Variants in APOC4 observed in about 807,000 individuals in gnomAD.
The protein encoded by APOC4 is apolipoprotein C-IV.
Under a neutral mutation model 8.4 loss-of-function variants are expected in APOC4, and 10 were observed. The ratio of observed to expected loss-of-function variants is 1.19; its 90% confidence interval spans 0.74 to 2.03. The LOEUF is 2.03. APOC4 is among the 30% of genes most tolerant of loss of function. The pLI is 0.00. For missense variants in APOC4, 160 were observed against 156.1 expected (o/e 1.02, Z -0.13); for synonymous variants, 59 against 65.8 (o/e 0.90, Z 0.50).
intron 1 of APOC4, among the ~76,000 whole-genome samples, chr19:44,943,146 A>C (rs143862053): frequency 0.014 from 2,158 of 151,820 alleles, 46 homozygotes; most frequent in African/African-American, 0.049. Context: ...TGGTCTCCAT[A>C]TCCTGACCTC....
rs1877574722 is a variant in APOC4, at chr19:44,945,191, G to A, written c.270G>A (p.Leu90=). ...GFMQTYYDDH[L]RDLGPLTKAW... is the part of the protein sequence containing the mutation. ...TGCAGACCTACTATGACGACCACCT[G>A]AGGGACCTGGGTCCGCTCACCAAGG... The change falls in exon 3 of 3, where the codon CTG becomes CTA. Residue 90 remains leucine (L), a synonymous_variant. Coordinates refer to ENST00000592954, the MANE Select transcript of APOC4 (RefSeq NM_001646.3). 2 of 1,613,986 alleles carry A rather than the reference G, an allele frequency of 1.2e-6. No homozygotes were observed. The highest frequency in any genetic ancestry group is 3.3e-5 in the Admixed American group (2 of 59,992).
At chr19:44,943,651 C>T (rs186451745) in intron 1 of APOC4, among the ~76,000 whole-genome samples, 12 of 151,708 alleles carry the variant, frequency 7.9e-5, no homozygotes, top group Admixed American at 1.3e-4. Flanking sequence ...CACTTGAACC[C>T]GGGAGGCAGA....
At chr19:44,944,920 G>A (rs773505291) in intron 2 of APOC4, 30 bp downstream of exon 2, 2 of 1,583,432 alleles carry the variant, frequency 1.3e-6, no homozygotes, top group Non-Finnish European at 8.6e-7. Context: ...GGTGGTGGGA[G>A]GGGACTCCTG....
intron 2 of APOC4, 104 bp downstream of exon 2, chr19:44,944,994 G>A: frequency 8.5e-6 from 13 of 1,523,330 alleles, no homozygotes; most frequent in Non-Finnish European, 1.1e-5. Flanking sequence ...AAGGGTGGGA[G>A]TGGGGCTGTG....
At chr19:44,943,862 G>C (rs1443459898) in intron 1 of APOC4, among the ~76,000 whole-genome samples, 1 of 152,244 alleles carries the variant, frequency 6.6e-6, no homozygotes, top group Non-Finnish European at 1.5e-5. Flanking sequence ...AGGAGAAACA[G>C]TCCTGGGGAG....
At chr19:44,944,973 A>C (rs770894239) in intron 2 of APOC4, 83 bp downstream of exon 2, 2 of 1,530,642 alleles carry the variant, frequency 1.3e-6, no homozygotes, top group Non-Finnish European at 1.8e-6. Flanking sequence ...CCTGAGTCTC[A>C]GGGAGGAGGA....
At chr19:44,944,649 C>T in intron 1 of APOC4, 100 bp from the exon 2 acceptor site, 1 of 1,442,706 alleles carries the variant, frequency 6.9e-7, no homozygotes. Flanking sequence ...AGGGGGCTGC[C>T]CCTGGGCCAC....
At chr19:44,944,544 GAAAAAAGAAAAA>G (rs1970294624) in intron 1 of APOC4, among the ~76,000 whole-genome samples, 193 bp from the exon 2 acceptor site, 1 of 146,794 alleles carries the variant, frequency 6.8e-6, no homozygotes, top group Admixed American at 6.8e-5. Context: ...TAAAAAAAAA[GAAAAAAGAAAAA>G]AAAAAAGAGA....
At chr19:44,943,283 G>A (rs1439800330) in intron 1 of APOC4, among the ~76,000 whole-genome samples, 1 of 151,598 alleles carries the variant, frequency 6.6e-6, no homozygotes, top group Non-Finnish European at 1.5e-5. Context: ...TGCCCAGGCT[G>A]GTCTTGAAAT....
chr19:44,945,320 C>G lies in APOC4; in HGVS notation c.*15C>G. 6.2e-7 allele frequency: 1 copy of G among 1,608,822 alleles called. No homozygotes were observed. Among genetic ancestry groups the G allele is most frequent in the Middle Eastern group, 1.7e-4 (1 of 6,050 alleles). On this transcript the variant is annotated 3_prime_UTR_variant, in exon 3 of 3. Transcript: ENST00000592954. ...ACCAGGGTTAAAATGTTCATAAAAG[C>G]CAGGTGTGGTTGTGGCGGGTGCCTG...
In APOC4 at chr19:44,945,403, G is replaced by A; in HGVS notation, c.*98G>A. The A allele has an allele frequency of 7.8e-7, 1 of 1,274,456 alleles. No individual in the cohort carries two copies. Among genetic ancestry groups the A allele is most frequent in the East Asian group, 2.4e-5 (1 of 42,166 alleles). 78.9% of individuals were successfully genotyped at this position (1,274,456 alleles called of 1,614,324 possible). ...TGATGGCTTGAGCCCAGGAGTTCGAGACCAGCCTGGGCAACACAGCGAGAT... is the reference window on the plus strand; with the variant it reads ...TGATGGCTTGAGCCCAGGAGTTCGAAACCAGCCTGGGCAACACAGCGAGAT... On this transcript the variant is annotated 3_prime_UTR_variant, in exon 3 of 3. Transcript: ENST00000592954.
chr19:44,942,425 C>T (rs1266566441), intron 1 of APOC4, 72 bp downstream of exon 1: 8 of 1,480,232 alleles, frequency 5.4e-6, no homozygotes, highest in Non-Finnish European at 6.5e-6. Flanking sequence ...TGTCCTGTGG[C>T]TCTGTAGCCA....
rs540279136 is a variant in APOC4 at position 44,944,660 on chromosome 19, C to G, written c.77-89C>G. 5 of 1,466,976 alleles carry G rather than the reference C, an allele frequency of 3.4e-6. No homozygotes were observed. In the South Asian group the frequency reaches 5.6e-5, roughly 16 times the overall value. The allele number at this position is 1,466,976 out of a possible 1,614,324, so 90.9% of individuals were successfully genotyped here. ...TGGCAGGGGGCTGCCCCTGGGCCACCGGGAGCGACACAGGATGAGCATGGA... is the reference window on the plus strand; with the variant it reads ...TGGCAGGGGGCTGCCCCTGGGCCACGGGGAGCGACACAGGATGAGCATGGA... On this transcript the variant is annotated intron_variant, in intron 1 of 2. Coordinates refer to ENST00000592954, the MANE Select transcript of APOC4 (RefSeq NM_001646.3).
chr19:44,942,393 GGTGGGT>G lies in APOC4; in HGVS notation c.76+44_76+49del, dbSNP rs762062723. On this transcript the variant is annotated intron_variant, in intron 1 of 2. Coordinates refer to ENST00000592954, the MANE Select transcript of APOC4 (RefSeq NM_001646.3). ...GTGGAGGGATGTGGGGCCCACACCT[GGTGGGT>G]GTGAGTGTGGCTGTGTGTCCTGTGG... The G allele has an allele frequency of 6.9e-6, 11 of 1,595,540 alleles. No individual in the cohort carries two copies. The Admixed American group carries it at 1.0e-4, about 15-fold the overall frequency.
chr19:44,944,737 G>C lies in APOC4; in HGVS notation c.77-12G>C, dbSNP rs1484145024. ...TCCCAGCCTACCCAAGTTGCCCTCT[G>C]GTTCCACCTAGCATGCCAGCCAGAG... On this transcript the variant is annotated splice_polypyrimidine_tract_variant and intron_variant, in intron 1 of 2. Coordinates refer to ENST00000592954, the MANE Select transcript of APOC4 (RefSeq NM_001646.3). 6.2e-7 allele frequency: 1 copy of C among 1,607,642 alleles called. No homozygotes were observed. The highest frequency in any genetic ancestry group is 2.2e-5 in the East Asian group (1 of 44,722).
chr19:44,942,786 C>G (rs1970274132), intron 1 of APOC4, among the ~76,000 whole-genome samples: 1 of 149,502 alleles, frequency 6.7e-6, no homozygotes, highest in Admixed American at 6.7e-5. Context: ...GAGTCTCACT[C>G]TGTCACCCAG....
At chr19:44,943,532 G>A (rs912890327) in intron 1 of APOC4, among the ~76,000 whole-genome samples, 1 of 151,710 alleles carries the variant, frequency 6.6e-6, no homozygotes. Flanking sequence ...AGATCATCCT[G>A]GCTAACAGAT....
At position 44,945,374 on chromosome 19, in the gene APOC4, A is replaced by G. The variant is rs1970307648; in HGVS notation, c.*69A>G. On this transcript the variant is annotated 3_prime_UTR_variant, in exon 3 of 3. Transcript: ENST00000592954. ...TCCCAGCTACTCAGGAGGCTGAGGT[A>G]GGATGATGGCTTGAGCCCAGGAGTT... The G allele has an allele frequency of 6.6e-7, 1 of 1,522,048 alleles. No homozygotes were observed. The allele number at this position is 1,522,048 out of a possible 1,614,324, so 94.3% of individuals were successfully genotyped here.
intron 1 of APOC4, 23 bp from the exon 2 acceptor site, chr19:44,944,726 A>G (rs1970297025): frequency 6.2e-7 from 1 of 1,603,078 alleles, no homozygotes; most frequent in Admixed American, 1.7e-5. Context: ...AGCCTACCCA[A>G]GTTGCCCTCT....
Sources: allele counts gnomAD v4.1 joint callset (sites outside exome capture counted in the v4.1 genomes callset), GRCh38; gene constraint gnomAD v4.1.1; transcripts MANE v1.5; gene names NCBI Gene and HGNC (gene_info 2026-07-23, HGNC 2026-07-21).